PHACTR1: variants seen among roughly 807,000 people sequenced by gnomAD.
PHACTR1 encodes the protein RPEL repeat containing 1.
PHACTR1 carries 16 observed loss-of-function variants against 69.2 expected under a neutral mutation model. That is an observed-to-expected ratio of 0.23 (90% CI 0.16 to 0.35). The LOEUF is 0.35. PHACTR1 is among the 10% of genes least tolerant of loss of function. The probability of loss-of-function intolerance (pLI) is 1.00; values close to 1 mark genes in which losing one functional copy is unlikely to be tolerated. For missense variants in PHACTR1, 510 were observed against 734.7 expected, an observed-to-expected ratio of 0.69 and a Z score of 3.54; for synonymous variants, 312 against 284.5, an observed-to-expected ratio of 1.10 and a Z score of -0.97.
In PHACTR1 at chr6:13,166,951, C is replaced by T. The variant is rs534831205; in HGVS notation, c.496+6667C>T. ...CAAACCTGTGTCATTCAAGGAGCAA[C>T]TGTATATTGTTTGGTCATTAATAAA... On this transcript the variant is annotated intron_variant, in intron 6 of 14. Coordinates refer to ENST00000332995, the MANE Select transcript of PHACTR1 (RefSeq NM_030948.6). Among the ~76,000 whole-genome samples, 321 of 152,264 alleles carry T rather than the reference C, an allele frequency of 2.1e-3. 1 individual carries two copies. Among genetic ancestry groups the T allele is most frequent in the African/African-American group, 7.5e-3 (313 of 41,544 alleles).
At chr6:13,161,614 G>A (rs902826725) in intron 6 of PHACTR1, among the ~76,000 whole-genome samples, 128 of 152,078 alleles carry the variant, frequency 8.4e-4, no homozygotes, top group African/African-American at 2.9e-3. Flanking sequence ...TGTTTTTGTA[G>A]GTCTTCTACA....
chr6:12,903,953 A>C (rs933840356), intron 4 of PHACTR1, among the ~76,000 whole-genome samples: 4 of 152,364 alleles, frequency 2.6e-5, no homozygotes, highest in Non-Finnish European at 5.9e-5. Context: ...TGAGAGCCTT[A>C]AAACTTTTAA....
intron 7 of PHACTR1, among the ~76,000 whole-genome samples, chr6:13,186,773 G>A (rs577116017): frequency 3.3e-5 from 5 of 152,326 alleles, no homozygotes; most frequent in East Asian, 1.9e-4. Flanking sequence ...TCCACAGACC[G>A]GAGGTGGGGC....
chr6:12,883,480 G>A (rs575822831), intron 4 of PHACTR1, among the ~76,000 whole-genome samples: 11 of 151,586 alleles, frequency 7.3e-5, no homozygotes, highest in African/African-American at 1.5e-4. Context: ...CTCCCAAAGC[G>A]CTAGGATTAC....
At chr6:12,751,217 G>A (rs1377533417) in intron 4 of PHACTR1, among the ~76,000 whole-genome samples, 4 of 152,186 alleles carry the variant, frequency 2.6e-5, no homozygotes, top group Non-Finnish European at 5.9e-5. Context: ...ATGATTTGTG[G>A]TTTTAATCAT....
chr6:12,781,325 G>A (rs1770792252), intron 4 of PHACTR1, among the ~76,000 whole-genome samples: 1 of 152,146 alleles, frequency 6.6e-6, no homozygotes, highest in African/African-American at 2.4e-5. Flanking sequence ...TGCACCTGCT[G>A]TCAGTGATAA....
intron 4 of PHACTR1, among the ~76,000 whole-genome samples, chr6:12,914,677 A>G (rs894841229): frequency 2.0e-5 from 3 of 152,130 alleles, no homozygotes; most frequent in Non-Finnish European, 4.4e-5. Flanking sequence ...TTGCTCTCTC[A>G]GGGGGAGCAA....
At chr6:13,256,495 T>C (rs1775217417) in intron 10 of PHACTR1, among the ~76,000 whole-genome samples, 1 of 152,258 alleles carries the variant, frequency 6.6e-6, no homozygotes, top group Non-Finnish European at 1.5e-5. Context: ...GTTTCCACTT[T>C]TACCCTGTTT....
At chr6:13,101,478 C>T (rs946985560) in intron 5 of PHACTR1, among the ~76,000 whole-genome samples, 2 of 152,212 alleles carry the variant, frequency 1.3e-5, no homozygotes, top group African/African-American at 4.8e-5. Context: ...CCGAGTACAC[C>T]TGGTTTAGTC....
At chr6:12,991,167 C>G (rs759003371) in intron 4 of PHACTR1, among the ~76,000 whole-genome samples, 14 of 152,180 alleles carry the variant, frequency 9.2e-5, no homozygotes, top group Non-Finnish European at 1.6e-4. Flanking sequence ...ATTACCTGTC[C>G]CTTGTTCCAG....
chr6:12,803,167 A>G (rs944696426), intron 4 of PHACTR1, among the ~76,000 whole-genome samples: 2 of 152,014 alleles, frequency 1.3e-5, no homozygotes, highest in African/African-American at 4.8e-5. Flanking sequence ...ACTTGGTCCT[A>G]TTATTGTGTC....
At chr6:12,792,859 GGAATAAT>G (rs200909942) in intron 4 of PHACTR1, among the ~76,000 whole-genome samples, 1,299 of 49,246 alleles carry the variant, frequency 0.026, 18 homozygotes, top group African/African-American at 0.092. Flanking sequence ...TTTTTTTTTT[GGAATAAT>G]CATCAAAGGA....
At chr6:12,936,145 C>T (rs1171604361) in intron 4 of PHACTR1, among the ~76,000 whole-genome samples, 1 of 151,722 alleles carries the variant, frequency 6.6e-6, no homozygotes, top group Non-Finnish European at 1.5e-5. Context: ...CAAACAAAAT[C>T]CATCCAAATC....
At position 13,206,014 on chromosome 6, in the gene PHACTR1, G is replaced by A. The variant is rs1765854185; in HGVS notation, c.864G>A (p.Gln288=). The A allele has an allele frequency of 6.2e-7, 1 of 1,613,772 alleles. No individual in the cohort carries two copies. The highest frequency in any genetic ancestry group is 8.5e-7 in the Non-Finnish European group (1 of 1,179,868). Reference sequence around the variant, plus strand: ...CCTCCCAGATCCAGCACCAGCTGCAGTACGGCAGCCACGGCCAGCACCTCC... The same window carrying A: ...CCTCCCAGATCCAGCACCAGCTGCAATACGGCAGCCACGGCCAGCACCTCC... The part of the protein sequence containing the change: ...VLPSQIQHQL[Q]YGSHGQHLPS... The change falls in exon 8 of 15, where the codon CAG becomes CAA. Residue 288 remains glutamine, a synonymous_variant. Coordinates refer to ENST00000332995, the MANE Select transcript of PHACTR1 (RefSeq NM_030948.6).
chr6:13,124,503 C>T (rs989284035), intron 5 of PHACTR1, among the ~76,000 whole-genome samples: 1 of 152,194 alleles, frequency 6.6e-6, no homozygotes, highest in African/African-American at 2.4e-5. Context: ...ATACCCCCCT[C>T]ACCTGTGGAC....
At chr6:13,115,560 G>C (rs751430315) in intron 5 of PHACTR1, among the ~76,000 whole-genome samples, 2 of 152,084 alleles carry the variant, frequency 1.3e-5, no homozygotes, top group Non-Finnish European at 2.9e-5. Flanking sequence ...AGTTTATGTG[G>C]GAGGTGGTCT....
At chr6:12,819,339 C>G (rs1410974020) in intron 4 of PHACTR1, among the ~76,000 whole-genome samples, 1 of 152,182 alleles carries the variant, frequency 6.6e-6, no homozygotes, top group Non-Finnish European at 1.5e-5. Context: ...TGGAGTTACT[C>G]AGTTTGCTCT....
At chr6:12,794,231 A>G (rs751126575) in intron 4 of PHACTR1, among the ~76,000 whole-genome samples, 1 of 152,236 alleles carries the variant, frequency 6.6e-6, no homozygotes, top group Non-Finnish European at 1.5e-5. Context: ...AGATTAATTA[A>G]TCTAGTAAGA....
At chr6:13,037,443 G>A (rs544685290) in intron 4 of PHACTR1, among the ~76,000 whole-genome samples, 2 of 152,262 alleles carry the variant, frequency 1.3e-5, no homozygotes, top group African/African-American at 4.8e-5. Context: ...CACAGTCTGG[G>A]TTATATTAAA....
Sources: gnomAD v4.1 joint callset for allele counts (sites outside exome capture counted in the v4.1 genomes callset) on GRCh38, gnomAD v4.1.1 for gene constraint, MANE v1.5 for transcripts, NCBI Gene and HGNC (gene_info 2026-07-23, HGNC 2026-07-21) for gene names.